RASAL2: variants seen among roughly 807,000 people sequenced by gnomAD.
The protein encoded by RASAL2 is RAS protein activator like 2, also known as ras GTPase-activating protein nGAP.
In RASAL2, 58 loss-of-function variants were observed where a neutral mutation model predicts 128.9. The ratio of observed to expected loss-of-function variants is 0.45; its 90% CI spans 0.36 to 0.56. RASAL2 has a LOEUF of 0.56. Among genes scored for constraint, RASAL2 ranks in the 20% least tolerant of loss-of-function variants. The pLI is 0.00. For missense variants in RASAL2, 1,360 were observed against 1,601.6 expected (o/e 0.85, Z 2.57); for synonymous variants, 561 against 580.8 (o/e 0.97, Z 0.49).
At chr1:178,380,557 T>G (rs1260655183) in intron 3 of RASAL2, among the ~76,000 whole-genome samples, 1 of 152,212 alleles carries the variant, frequency 6.6e-6, no homozygotes, top group Non-Finnish European at 1.5e-5. Flanking sequence ...GTCATGATTA[T>G]AAGCACATGT....
At chr1:178,197,432 C>T (rs981572884) in intron 1 of RASAL2, among the ~76,000 whole-genome samples, 4 of 151,304 alleles carry the variant, frequency 2.6e-5, no homozygotes, top group African/African-American at 7.3e-5. Context: ...CCAGCATGAG[C>T]GACAGAGCGA....
intron 1 of RASAL2, among the ~76,000 whole-genome samples, chr1:178,276,675 C>A (rs921551099): frequency 1.3e-5 from 2 of 151,918 alleles, no homozygotes; most frequent in East Asian, 1.9e-4. Flanking sequence ...CTGTGCCCAG[C>A]CTGTTACAGT....
At chr1:178,275,807 T>G (rs1343914540) in intron 1 of RASAL2, among the ~76,000 whole-genome samples, 2 of 152,206 alleles carry the variant, frequency 1.3e-5, no homozygotes, top group Admixed American at 6.5e-5. Flanking sequence ...TGCTCTCTCC[T>G]TCTCTTAACA....
chr1:178,248,220 C>G (rs1053172704), intron 1 of RASAL2, among the ~76,000 whole-genome samples: 8 of 152,162 alleles, frequency 5.3e-5, no homozygotes, highest in Non-Finnish European at 1.0e-4. Context: ...CTTCGTAGAT[C>G]TCTGATAACT....
At chr1:178,456,445 G>C in intron 12 of RASAL2, 1 of 510,328 alleles carries the variant, frequency 2.0e-6, no homozygotes, top group East Asian at 3.3e-5. Flanking sequence ...GTAGTTTTGA[G>C]CATGTCTTTT....
intron 1 of RASAL2, among the ~76,000 whole-genome samples, chr1:178,217,076 A>G (rs1419622429): frequency 6.6e-6 from 1 of 152,046 alleles, no homozygotes; most frequent in African/African-American, 2.4e-5. Context: ...CCCGGGTTCA[A>G]ACAGTTCTCC....
chr1:178,260,408 ATATATATG>A (rs1243913735), intron 1 of RASAL2, among the ~76,000 whole-genome samples: 2 of 96,354 alleles, frequency 2.1e-5, no homozygotes, highest in Non-Finnish European at 4.1e-5. Context: ...ATATATATAT[ATATATATG>A]ATAATAATTT....
At chr1:178,298,931 CA>C (rs1234549712) in intron 2 of RASAL2, among the ~76,000 whole-genome samples, 1 of 150,442 alleles carries the variant, frequency 6.6e-6, no homozygotes. Context: ...ACCCCAAAAC[CA>C]AAAAAAACCC....
At chr1:178,257,274 T>G (rs897125943) in intron 1 of RASAL2, among the ~76,000 whole-genome samples, 1 of 152,158 alleles carries the variant, frequency 6.6e-6, no homozygotes, top group African/African-American at 2.4e-5. Flanking sequence ...ATTGACAAAC[T>G]GATTCTAAAA....
chr1:178,458,760 C>T (rs1375806988), intron 14 of RASAL2, among the ~76,000 whole-genome samples: 4 of 152,138 alleles, frequency 2.6e-5, no homozygotes, highest in Admixed American at 6.5e-5. Context: ...CTAACAAACA[C>T]GCAGAGGCCC....
chr1:178,231,488 A>C (rs1460600416), intron 1 of RASAL2, among the ~76,000 whole-genome samples: 1 of 152,150 alleles, frequency 6.6e-6, no homozygotes, highest in South Asian at 2.1e-4. Flanking sequence ...TGTGGCTTGC[A>C]TGTTGATTTT....
intron 1 of RASAL2, among the ~76,000 whole-genome samples, chr1:178,180,661 T>TCACACACACA (rs1455344116): frequency 1.6e-3 from 11 of 6,744 alleles, no homozygotes; most frequent in Non-Finnish European, 3.0e-3. Context: ...AGCGAGACTG[T>TCACACACACA]CTCACACACA....
At chr1:178,449,698 T>C (rs1677248511) in intron 9 of RASAL2, among the ~76,000 whole-genome samples, 1 of 152,150 alleles carries the variant, frequency 6.6e-6, no homozygotes, top group Non-Finnish European at 1.5e-5. Context: ...ACATTGGTTA[T>C]TGTTTCAACA....
At chr1:178,370,599 G>T (rs1671648635) in intron 3 of RASAL2, among the ~76,000 whole-genome samples, 1 of 151,906 alleles carries the variant, frequency 6.6e-6, no homozygotes, top group African/African-American at 2.4e-5. Context: ...TTAAGTAATC[G>T]TCAAAATGGT....
In RASAL2 at chr1:178,198,323, G is replaced by A. The variant is rs570906479; in HGVS notation, c.203-85241G>A. Among the ~76,000 whole-genome samples the A allele has an allele frequency of 7.9e-5, 12 of 152,302 alleles. No homozygotes were observed. In the South Asian group the frequency reaches 2.5e-3, roughly 32 times the overall value. ...GAACTAGTTTACACTCCCACCAAAAGTGTAAAAGCATTCCTATTTCTCCAC... is the reference window on the plus strand; with the variant it reads ...GAACTAGTTTACACTCCCACCAAAAATGTAAAAGCATTCCTATTTCTCCAC... On this transcript the variant is annotated intron_variant, in intron 1 of 17. Transcript: ENST00000367649.
intron 1 of RASAL2, among the ~76,000 whole-genome samples, chr1:178,109,433 C>T (rs1024668782): frequency 1.3e-5 from 2 of 152,154 alleles, no homozygotes; most frequent in Non-Finnish European, 2.9e-5. Context: ...CTCAGGAACA[C>T]TGTGGGCTCC....
intron 1 of RASAL2, among the ~76,000 whole-genome samples, chr1:178,246,234 T>C (rs532100706): frequency 1.2e-4 from 18 of 152,324 alleles, no homozygotes; most frequent in African/African-American, 3.8e-4. Context: ...TTGTCCTCCC[T>C]TATTTCCTTG....
chr1:178,206,700 G>C (rs1265867738), intron 1 of RASAL2, among the ~76,000 whole-genome samples: 1 of 152,044 alleles, frequency 6.6e-6, no homozygotes. Context: ...CAATATACCT[G>C]AGAAAAGTAA....
chr1:178,458,340 G>A lies in RASAL2; in HGVS notation c.3048G>A (p.Gln1016=). 6.2e-7 allele frequency: 1 copy of A among 1,614,236 alleles called. No homozygotes were observed. Among genetic ancestry groups the A allele is most frequent in the East Asian group, 2.2e-5 (1 of 44,874 alleles). The change falls in exon 14 of 18, where the codon CAG becomes CAA. Residue 1016 remains glutamine, a synonymous_variant. Coordinates refer to ENST00000367649, the MANE Select transcript of RASAL2 (RefSeq NM_170692.4). ...TGQAQIRKVD[Q]GGLGARAKAP... ...AGGCCCAGATCCGAAAAGTGGACCA[G>A]GGTGGGTTAGGTGCCCGAGCCAAAG...
Sources: allele counts gnomAD v4.1 joint callset (sites outside exome capture counted in the v4.1 genomes callset), GRCh38; gene constraint gnomAD v4.1.1; transcripts MANE v1.5; gene names NCBI Gene and HGNC (gene_info 2026-07-23, HGNC 2026-07-21).